Variants in SLC30A7 observed in about 807,000 individuals in gnomAD.
SLC30A7 encodes zinc transporter 7.
In SLC30A7, 35 loss-of-function variants were observed where a neutral mutation model predicts 46.0. That is an observed-to-expected ratio of 0.76 (90% CI 0.58 to 1.01). The LOEUF is 1.01. SLC30A7 is among the 50% of genes least tolerant of loss of function. The pLI is 0.00. For synonymous variants in SLC30A7, 147 were observed against 157.8 expected (o/e 0.93, Z 0.51); for missense variants, 464 against 451.1 (o/e 1.03, Z -0.26).
intron 6 of SLC30A7, among the ~76,000 whole-genome samples, 172 bp downstream of exon 6, chr1:100,913,978 C>T (rs1040059234): frequency 2.6e-5 from 4 of 152,198 alleles, no homozygotes; most frequent in Non-Finnish European, 5.9e-5. Context: ...ATGAAATTAA[C>T]TCAGTATAAG....
chr1:100,903,990 T>C (rs1651470909), intron 2 of SLC30A7, among the ~76,000 whole-genome samples: 1 of 152,186 alleles, frequency 6.6e-6, no homozygotes, highest in Non-Finnish European at 1.5e-5. Flanking sequence ...TAATTAGCAA[T>C]AGGAATATTA....
intron 8 of SLC30A7, among the ~76,000 whole-genome samples, chr1:100,922,981 T>C (rs1047929487): frequency 6.6e-6 from 1 of 151,034 alleles, no homozygotes; most frequent in African/African-American, 2.4e-5. Flanking sequence ...AAGATTTTTA[T>C]AGCTTGTAGT....
rs1032992798 is a variant in SLC30A7 at position 100,978,393 on chromosome 1, T to C, written c.*3536T>C. ...TCAGTTTTTACAGAGATTATTAATA[T>C]GGTAGAACCCTGTTATGTAATTCCA... On this transcript the variant is annotated 3_prime_UTR_variant, in exon 11 of 11. Coordinates refer to ENST00000357650, the MANE Select transcript of SLC30A7 (RefSeq NM_133496.5). 1 of 152,242 alleles carries C rather than the reference T, an allele frequency of 6.6e-6. No individual in the cohort carries two copies. The highest frequency in any genetic ancestry group is 1.5e-5 in the Non-Finnish European group (1 of 68,038). The allele number at this position is 152,242 out of a possible 1,614,324, so 9.4% of individuals were successfully genotyped here.
At chr1:100,920,084 T>C (rs931620030) in intron 7 of SLC30A7, among the ~76,000 whole-genome samples, 8 of 152,116 alleles carry the variant, frequency 5.3e-5, no homozygotes, top group African/African-American at 1.9e-4. Context: ...TAAAACCAGT[T>C]TTCAGGTTAG....
intron 2 of SLC30A7, among the ~76,000 whole-genome samples, chr1:100,899,860 A>G (rs1557971434): frequency 1.3e-5 from 2 of 152,002 alleles, no homozygotes; most frequent in Non-Finnish European, 1.5e-5. Context: ...CTAACACACA[A>G]TGCTTTCACT....
chr1:100,939,033 T>G (rs1428544288), intron 8 of SLC30A7, among the ~76,000 whole-genome samples: 1 of 152,234 alleles, frequency 6.6e-6, no homozygotes, highest in Non-Finnish European at 1.5e-5. Flanking sequence ...AATCAATAGA[T>G]AATTCCTTAA....
intron 8 of SLC30A7, among the ~76,000 whole-genome samples, chr1:100,922,289 G>T (rs1381844424): frequency 6.6e-6 from 1 of 151,774 alleles, no homozygotes; most frequent in Non-Finnish European, 1.5e-5. Context: ...ATTTTTATAT[G>T]TTTTCTGTGT....
At chr1:100,984,705 A>G (rs1657169806), downstream of SLC30A7, among the ~76,000 whole-genome samples, 1 of 152,222 alleles carries the variant, frequency 6.6e-6, no homozygotes, top group African/African-American at 2.4e-5. Context: ...AATCTGAACA[A>G]GACCCAGCAA....
At chr1:100,908,467 A>T (rs1651839983) in intron 3 of SLC30A7, among the ~76,000 whole-genome samples, 1 of 152,182 alleles carries the variant, frequency 6.6e-6, no homozygotes, top group Non-Finnish European at 1.5e-5. Context: ...CAAAAAGGAG[A>T]TGTGGAGTTC....
chr1:100,915,416 T>A (rs933240846), intron 6 of SLC30A7, among the ~76,000 whole-genome samples: 1 of 152,116 alleles, frequency 6.6e-6, no homozygotes, highest in Non-Finnish European at 1.5e-5. Flanking sequence ...TTGTACCCTT[T>A]GACTAATATT....
chr1:100,896,245 C>G lies in SLC30A7; in HGVS notation c.-18C>G. ...CTTCTAGAGGGGAGTAGACCCGGCC[C>G]TTCGCCGGGCAGAGAAGATGTTGCC... On this transcript the variant is annotated 5_prime_UTR_variant, in exon 1 of 11. Coordinates refer to ENST00000357650, the MANE Select transcript of SLC30A7 (RefSeq NM_133496.5). 6.2e-7 allele frequency: 1 copy of G among 1,613,534 alleles called. No individual in the cohort carries two copies. The highest frequency in any genetic ancestry group is 8.5e-7 in the Non-Finnish European group (1 of 1,179,424).
intron 7 of SLC30A7, among the ~76,000 whole-genome samples, chr1:100,920,729 C>T (rs1300348181): frequency 6.6e-6 from 1 of 151,924 alleles, no homozygotes; most frequent in Admixed American, 6.6e-5. Flanking sequence ...TTACAGTTCA[C>T]CCTTTATTGT....
chr1:100,914,776 A>G (rs1406474732), intron 6 of SLC30A7, among the ~76,000 whole-genome samples: 2 of 152,100 alleles, frequency 1.3e-5, no homozygotes, highest in African/African-American at 4.8e-5. Flanking sequence ...TATGAAAGGG[A>G]CCTTGAAGAG....
At chr1:100,933,591 AGT>A (rs999815483) in intron 8 of SLC30A7, among the ~76,000 whole-genome samples, 7 of 151,624 alleles carry the variant, frequency 4.6e-5, no homozygotes, top group African/African-American at 7.3e-5. Context: ...TACAGGCCCC[AGT>A]GTGTGATGTT....
chr1:100,923,464 G>T (rs373797832), intron 8 of SLC30A7, among the ~76,000 whole-genome samples: 2 of 152,046 alleles, frequency 1.3e-5, no homozygotes, highest in African/African-American at 4.8e-5. Context: ...TTTGAACAGG[G>T]AAATAACTCT....
At chr1:100,971,193 T>G (rs1323283130) in intron 10 of SLC30A7, among the ~76,000 whole-genome samples, 1 of 152,156 alleles carries the variant, frequency 6.6e-6, no homozygotes, top group Non-Finnish European at 1.5e-5. Flanking sequence ...TCTGCCTCCG[T>G]AAACTCTCCT....
intron 6 of SLC30A7, among the ~76,000 whole-genome samples, chr1:100,914,749 A>G (rs1012776148): frequency 6.6e-6 from 1 of 152,136 alleles, no homozygotes; most frequent in East Asian, 1.9e-4. Context: ...AGAATCCTAA[A>G]GCTTTAGAAT....
At chr1:100,950,011 A>C (rs932922862) in intron 8 of SLC30A7, among the ~76,000 whole-genome samples, 25 of 152,180 alleles carry the variant, frequency 1.6e-4, no homozygotes, top group African/African-American at 6.0e-4. Flanking sequence ...CGCTCTCTGC[A>C]GGGTGCACCC....
Position 100,911,156 on chromosome 1 carries a change from G to T in SLC30A7, c.384+6G>T, listed in dbSNP as rs780576042. On this transcript the variant is annotated splice_donor_region_variant and intron_variant, in intron 4 of 10. Transcript: ENST00000357650. ...TTTTCTCAGAAGGAGTTGAGGTATA[G>T]TAGATAATTATTAAAGTCAGTAAAT... The T allele has an allele frequency of 1.3e-6, 2 of 1,560,766 alleles. No individual in the cohort carries two copies. The highest frequency in any genetic ancestry group is 4.5e-5 in the East Asian group (2 of 44,350).
Sources: allele counts gnomAD v4.1 joint callset (sites outside exome capture counted in the v4.1 genomes callset), GRCh38; gene constraint gnomAD v4.1.1; transcripts MANE v1.5; gene names NCBI Gene and HGNC (gene_info 2026-07-23, HGNC 2026-07-21).